The following DIAPH3 variants were observed in gnomAD, a reference collection of about 807,000 sequenced individuals.
The protein encoded by DIAPH3 is protein diaphanous homolog 3.
A neutral mutation model predicts 144.3 loss-of-function variants in DIAPH3; 117 were observed. That is an observed-to-expected ratio of 0.81 (90% confidence interval 0.70 to 0.95). DIAPH3 has a LOEUF of 0.95. Among genes scored for constraint, DIAPH3 ranks in the 40% least tolerant of loss-of-function variants. The pLI, the probability that DIAPH3 is intolerant of heterozygous loss-of-function variation, is 0.00. For missense variants in DIAPH3, 1,421 were observed against 1,412.7 expected (o/e 1.01, Z -0.09); for synonymous variants, 519 against 488.9 (o/e 1.06, Z -0.81).
At chr13:59,856,098 G>A (rs1356971407) in intron 22 of DIAPH3, among the ~76,000 whole-genome samples, 1 of 152,042 alleles carries the variant, frequency 6.6e-6, no homozygotes, top group Non-Finnish European at 1.5e-5. Flanking sequence ...TATGTTTCAT[G>A]TCTACTCAAA....
At chr13:59,840,720 T>C (rs2042293768) in intron 22 of DIAPH3, among the ~76,000 whole-genome samples, 1 of 152,132 alleles carries the variant, frequency 6.6e-6, no homozygotes, top group African/African-American at 2.4e-5. Context: ...CCACATATAA[T>C]ACTTGTTTGT....
intron 27 of DIAPH3, among the ~76,000 whole-genome samples, chr13:59,712,173 GAGAGGCAGAA>G (rs1593641556): frequency 6.6e-6 from 1 of 152,318 alleles, no homozygotes; most frequent in South Asian, 2.1e-4. Flanking sequence ...AAGAGAAACA[GAGAGGCAGAA>G]AGAGGCAGAA....
intron 3 of DIAPH3, among the ~76,000 whole-genome samples, chr13:60,103,065 C>T (rs1480540433): frequency 1.3e-5 from 2 of 152,004 alleles, no homozygotes; most frequent in Non-Finnish European, 1.5e-5. Flanking sequence ...TGCCAGTTTG[C>T]TACTGTTTTT....
At chr13:60,059,775 G>A (rs2056695717) in intron 4 of DIAPH3, among the ~76,000 whole-genome samples, 1 of 151,982 alleles carries the variant, frequency 6.6e-6, no homozygotes, top group African/African-American at 2.4e-5. Context: ...ATGAAGATGT[G>A]TTCAGCACAT....
At chr13:59,839,025 T>A (rs1459317016) in intron 23 of DIAPH3, 3 of 290,982 alleles carry the variant, frequency 1.0e-5, no homozygotes, top group Non-Finnish European at 2.0e-5. Context: ...GCAGGAGAAT[T>A]GCTTGAACTT....
At chr13:60,070,948 A>T (rs1394154091) in intron 4 of DIAPH3, among the ~76,000 whole-genome samples, 1 of 152,248 alleles carries the variant, frequency 6.6e-6, no homozygotes, top group African/African-American at 2.4e-5. Flanking sequence ...AAATTGATGT[A>T]TAATTGACAT....
chr13:59,870,806 G>A (rs940505272), intron 21 of DIAPH3, among the ~76,000 whole-genome samples: 1 of 152,006 alleles, frequency 6.6e-6, no homozygotes, highest in African/African-American at 2.4e-5. Flanking sequence ...TAGTAGCTGG[G>A]ATTACAAGCA....
intron 27 of DIAPH3, among the ~76,000 whole-genome samples, chr13:59,702,339 G>A (rs916351294): frequency 2.0e-5 from 3 of 152,088 alleles, no homozygotes; most frequent in African/African-American, 7.2e-5. Context: ...AATTGAATGT[G>A]GTTATTTTCA....
chr13:60,155,578 A>C (rs1951992463), intron 1 of DIAPH3, among the ~76,000 whole-genome samples: 1 of 152,218 alleles, frequency 6.6e-6, no homozygotes, highest in Non-Finnish European at 1.5e-5. Flanking sequence ...CCTCCTTCTG[A>C]AGCTTACAAT....
At chr13:59,750,386 T>G (rs914854702) in intron 27 of DIAPH3, among the ~76,000 whole-genome samples, 1 of 152,222 alleles carries the variant, frequency 6.6e-6, no homozygotes, top group Non-Finnish European at 1.5e-5. Flanking sequence ...ACCATGATAA[T>G]AAGTTTTTTC....
At chr13:60,103,557 G>C (rs2058332129) in intron 3 of DIAPH3, among the ~76,000 whole-genome samples, 2 of 152,130 alleles carry the variant, frequency 1.3e-5, no homozygotes, top group Non-Finnish European at 2.9e-5. Flanking sequence ...TATTATAATG[G>C]ACCAATAAGC....
rs113093918 is a variant in DIAPH3 at position 59,821,051 on chromosome 13, A to G, written c.3028-10128T>C. Among the ~76,000 whole-genome samples the G allele has an allele frequency of 3.1e-3, 466 of 152,092 alleles. 3 individuals carry two copies. The highest frequency in any genetic ancestry group is 0.01 in the African/African-American group (428 of 41,546). Reference sequence around the variant, plus strand: ...TGAATGTCTTCTTGTTCAGAGTTCTATTTCATTCAACATTAATGGATACTC... The same window carrying G: ...TGAATGTCTTCTTGTTCAGAGTTCTGTTTCATTCAACATTAATGGATACTC... On this transcript the variant is annotated intron_variant, in intron 24 of 27. Coordinates refer to ENST00000400324, the MANE Select transcript of DIAPH3 (RefSeq NM_001042517.2).
chr13:59,795,145 G>C (rs2039524131), intron 25 of DIAPH3, among the ~76,000 whole-genome samples: 1 of 152,204 alleles, frequency 6.6e-6, no homozygotes, highest in East Asian at 1.9e-4. Flanking sequence ...ATGAACGAAA[G>C]CTTCAGATTA....
chr13:59,803,397 A>C (rs73543209), intron 25 of DIAPH3, among the ~76,000 whole-genome samples: 1 of 152,224 alleles, frequency 6.6e-6, no homozygotes, highest in Non-Finnish European at 1.5e-5. Context: ...TTCCCAGAGA[A>C]GTTAAACAAC....
intron 25 of DIAPH3, among the ~76,000 whole-genome samples, chr13:59,802,671 T>A (rs1251086324): frequency 4.5e-4 from 24 of 52,970 alleles, no homozygotes; most frequent in African/African-American, 1.3e-3. Context: ...ATTATTATTT[T>A]TTTTTTTTTT....
intron 2 of DIAPH3, among the ~76,000 whole-genome samples, chr13:60,121,608 C>T (rs1381034014): frequency 6.6e-6 from 1 of 152,136 alleles, no homozygotes; most frequent in Non-Finnish European, 1.5e-5. Flanking sequence ...AAAGAACATC[C>T]AGGTTTCAAC....
chr13:59,716,336 C>T (rs765038026), intron 27 of DIAPH3, among the ~76,000 whole-genome samples: 26 of 152,212 alleles, frequency 1.7e-4, no homozygotes, highest in Non-Finnish European at 2.9e-4. Context: ...CCACCACGCC[C>T]GGCTAATTTT....
chr13:59,832,286 T>C (rs145925707), intron 24 of DIAPH3, among the ~76,000 whole-genome samples: 1,721 of 151,936 alleles, frequency 0.011, 18 homozygotes, highest in Middle Eastern at 0.02. Context: ...AAAGGCTATC[T>C]AATCCTAACT....
intron 25 of DIAPH3, among the ~76,000 whole-genome samples, chr13:59,790,871 C>T (rs1426874930): frequency 6.6e-6 from 1 of 152,252 alleles, no homozygotes; most frequent in South Asian, 2.1e-4. Context: ...ACTCCCTCCC[C>T]CCGCTCCACA....
Sources: gnomAD v4.1 joint callset for allele counts (sites outside exome capture counted in the v4.1 genomes callset) on GRCh38, gnomAD v4.1.1 for gene constraint, MANE v1.5 for transcripts, NCBI Gene and HGNC (gene_info 2026-07-23, HGNC 2026-07-21) for gene names.